The following HNRNPC variants were observed in gnomAD, a reference collection of about 807,000 sequenced individuals.
HNRNPC encodes heterogeneous nuclear ribonucleoprotein C.
Under a neutral mutation model 33.2 loss-of-function variants are expected in HNRNPC, and 3 were observed. The observed-to-expected ratio is 0.09, with a 90% CI of 0.04 to 0.23. The LOEUF (loss-of-function observed/expected upper bound fraction) is 0.23, where lower values mean the gene tolerates loss of function less well. Ranked by LOEUF, HNRNPC falls within the 10% of genes least tolerant of loss-of-function variation. The probability of loss-of-function intolerance (pLI) is 1.00; values close to 1 mark genes in which losing one functional copy is unlikely to be tolerated. For synonymous variants in HNRNPC, 121 were observed against 126.7 expected (o/e 0.96, Z 0.30); for missense variants, 143 against 366.7 (o/e 0.39, Z 4.98).
Position 21,268,209 on chromosome 14 carries a change from G to A in HNRNPC, c.-63+1089C>T, listed in dbSNP as rs192882933. Among the ~76,000 whole-genome samples, 290 of 152,114 alleles carry A rather than the reference G, an allele frequency of 1.9e-3. 1 individual carries two copies. The highest frequency in any genetic ancestry group is 2.9e-3 in the Non-Finnish European group (197 of 68,018). ...CTTTTAAGTTTTTTATCAAATTTCAGCACCCAGCAAATAATAGGCACTGTT... is the reference window on the plus strand; with the variant it reads ...CTTTTAAGTTTTTTATCAAATTTCAACACCCAGCAAATAATAGGCACTGTT... On this transcript the variant is annotated intron_variant, in intron 1 of 8. Transcript: ENST00000553300.
intron 4 of HNRNPC, 155 bp downstream of exon 4, chr14:21,230,842 C>T (rs1894035479): frequency 2.7e-6 from 2 of 752,760 alleles, no homozygotes; most frequent in Non-Finnish European, 4.2e-6. Flanking sequence ...AATAATAAAA[C>T]CTTATTTATA....
intron 2 of HNRNPC, among the ~76,000 whole-genome samples, chr14:21,237,441 GATACTCTCAGAACAATTCCAC>G (rs1417303735): frequency 6.6e-6 from 1 of 152,190 alleles, no homozygotes; most frequent in East Asian, 1.9e-4. Context: ...TTCCAGGATT[GATACTCTCAGAACAATTCCAC>G]ATATTCTTCT....
At chr14:21,216,143 A>G (rs1297535518) in intron 5 of HNRNPC, among the ~76,000 whole-genome samples, 1 of 148,310 alleles carries the variant, frequency 6.7e-6, no homozygotes, top group Non-Finnish European at 1.5e-5. Flanking sequence ...AAAAAAAAAG[A>G]CAAAGAATGT....
chr14:21,227,852 A>AC, intron 5 of HNRNPC, among the ~76,000 whole-genome samples: 1 of 152,228 alleles, frequency 6.6e-6, no homozygotes, highest in Non-Finnish European at 1.5e-5. Flanking sequence ...AGAGTCCATG[A>AC]CATCCCTGAA....
At chr14:21,247,726 G>C (rs1187664797) in intron 2 of HNRNPC, among the ~76,000 whole-genome samples, 1 of 151,208 alleles carries the variant, frequency 6.6e-6, no homozygotes, top group Non-Finnish European at 1.5e-5. Flanking sequence ...GAGGCCAGTG[G>C]AACACTTGAG....
At chr14:21,213,733 T>TA (rs1891865548) in intron 5 of HNRNPC, among the ~76,000 whole-genome samples, 1 of 152,146 alleles carries the variant, frequency 6.6e-6, no homozygotes, top group South Asian at 2.1e-4. Context: ...ATACTACTGA[T>TA]AAAAAATACC....
rs187371623 is a variant in HNRNPC, at chr14:21,229,327, C to T, written c.365+992G>A. ...CGCAGCTTGCAGTGAGCCAAGATTGCGCCACTGCACTCCAGGATGGGCGAC... is the reference window on the plus strand; with the variant it reads ...CGCAGCTTGCAGTGAGCCAAGATTGTGCCACTGCACTCCAGGATGGGCGAC... On this transcript the variant is annotated intron_variant, in intron 5 of 8. Transcript: ENST00000553300. Among the ~76,000 whole-genome samples the T allele has an allele frequency of 4.1e-3, 602 of 147,778 alleles. 7 individuals are homozygous for T. Among genetic ancestry groups the T allele is most frequent in the African/African-American group, 0.014 (562 of 39,716 alleles).
chr14:21,233,812 C>G (rs1313061485), intron 3 of HNRNPC, 141 bp downstream of exon 3: 4 of 1,038,240 alleles, frequency 3.9e-6, no homozygotes, highest in Non-Finnish European at 5.6e-6. Flanking sequence ...AACTATAAGC[C>G]TAATGTATTT....
At position 21,267,976 on chromosome 14, in the gene HNRNPC, C is replaced by T. The variant is rs565391862; in HGVS notation, c.-63+1322G>A. On this transcript the variant is annotated intron_variant, in intron 1 of 8. Coordinates refer to ENST00000553300, the MANE Select transcript of HNRNPC (RefSeq NM_004500.4). ...AAGAAAGGGGTCGCGATGTTTTTGA[C>T]CCTTATTTTACTTCCTATCAAATAG... Among the ~76,000 whole-genome samples, 125 of 152,244 alleles carry T rather than the reference C, an allele frequency of 8.2e-4. 1 individual carries two copies. The highest frequency in any genetic ancestry group is 2.8e-3 in the African/African-American group (117 of 41,550).
At position 21,210,044 on chromosome 14, in the gene HNRNPC, A is replaced by C. The variant is rs1369907274; in HGVS notation, c.*1179T>G. The C allele has an allele frequency of 6.6e-6, 1 of 152,212 alleles. No individual in the cohort carries two copies. Among genetic ancestry groups the C allele is most frequent in the Non-Finnish European group, 1.5e-5 (1 of 68,040 alleles). The allele number at this position is 152,212 out of a possible 1,614,324, so 9.4% of individuals were successfully genotyped here. On this transcript the variant is annotated 3_prime_UTR_variant, in exon 9 of 9. Coordinates refer to ENST00000553300, the MANE Select transcript of HNRNPC (RefSeq NM_004500.4). ...GGAAGGCAGTCTATGGAATATCAGG[A>C]AGTAAGAGTTTTCTTGTTTTCAGGA...
chr14:21,267,095 CAAAAAAAAA>C (rs56203257), intron 1 of HNRNPC, among the ~76,000 whole-genome samples: 4 of 104,048 alleles, frequency 3.8e-5, no homozygotes, highest in Non-Finnish European at 8.1e-5. Context: ...GACTCCGTCT[CAAAAAAAAA>C]AAAAAAAAAA....
chr14:21,265,847 C>CA (rs890202968), intron 1 of HNRNPC, among the ~76,000 whole-genome samples: 29 of 152,162 alleles, frequency 1.9e-4, no homozygotes, highest in African/African-American at 6.8e-4. Context: ...TATTCTTTGT[C>CA]AAAACCTGCC....
intron 1 of HNRNPC, among the ~76,000 whole-genome samples, chr14:21,266,017 T>C (rs1878916143): frequency 6.6e-6 from 1 of 152,196 alleles, no homozygotes; most frequent in African/African-American, 2.4e-5. Context: ...CTGTTTTAAC[T>C]AGCCCTATTG....
At chr14:21,252,219 C>T (rs187929508) in intron 2 of HNRNPC, among the ~76,000 whole-genome samples, 1 of 152,312 alleles carries the variant, frequency 6.6e-6, no homozygotes, top group Admixed American at 6.5e-5. Flanking sequence ...ACCCCACCAA[C>T]CATGTTATCC....
chr14:21,224,573 T>G (rs1310113117), intron 5 of HNRNPC, among the ~76,000 whole-genome samples: 1 of 152,132 alleles, frequency 6.6e-6, no homozygotes, highest in Non-Finnish European at 1.5e-5. Context: ...AAGACCAATC[T>G]ACTTCAGAAA....
chr14:21,257,238 A>G (rs545829842), intron 2 of HNRNPC, among the ~76,000 whole-genome samples: 2 of 152,332 alleles, frequency 1.3e-5, no homozygotes, highest in Admixed American at 6.5e-5. Context: ...TATAGGTGGT[A>G]TATTACATCA....
chr14:21,265,744 C>T (rs1408198267), intron 1 of HNRNPC, among the ~76,000 whole-genome samples: 2 of 152,188 alleles, frequency 1.3e-5, no homozygotes, highest in Admixed American at 6.5e-5. Flanking sequence ...CACTACTGCA[C>T]TCTAATCTGG....
At chr14:21,246,888 G>A (rs897955724) in intron 2 of HNRNPC, among the ~76,000 whole-genome samples, 14 of 152,264 alleles carry the variant, frequency 9.2e-5, no homozygotes, top group African/African-American at 3.4e-4. Flanking sequence ...ACTTAACAAA[G>A]TCAATATATC....
chr14:21,246,326 G>A (rs747197103), intron 2 of HNRNPC, among the ~76,000 whole-genome samples: 2 of 152,106 alleles, frequency 1.3e-5, no homozygotes, highest in Non-Finnish European at 2.9e-5. Flanking sequence ...TTGGAAGGCC[G>A]AGGCTGGTGG....
Sources: allele counts gnomAD v4.1 joint callset (sites outside exome capture counted in the v4.1 genomes callset), GRCh38; gene constraint gnomAD v4.1.1; transcripts MANE v1.5; gene names NCBI Gene and HGNC (gene_info 2026-07-23, HGNC 2026-07-21).